The following NFATC2 variants were observed in gnomAD, a reference collection of about 807,000 sequenced individuals.
NFATC2 encodes nuclear factor of activated T-cells, cytoplasmic 2.
Under a neutral mutation model 87.3 loss-of-function variants are expected in NFATC2, and 22 were observed. The ratio of observed to expected loss-of-function variants is 0.25; its 90% CI spans 0.18 to 0.36. NFATC2 has a LOEUF of 0.36. NFATC2 is among the 10% of genes least tolerant of loss of function. The probability of loss-of-function intolerance (pLI) is 1.00; values close to 1 mark genes in which losing one functional copy is unlikely to be tolerated. For missense variants in NFATC2, 1,149 were observed against 1,259.1 expected (o/e 0.91, Z 1.32); for synonymous variants, 565 against 542.2 (o/e 1.04, Z -0.58).
chr20:51,442,714 T>A (rs1984525491), intron 6 of NFATC2, among the ~76,000 whole-genome samples: 2 of 151,726 alleles, frequency 1.3e-5, no homozygotes, highest in South Asian at 4.1e-4. Flanking sequence ...TTTGTTTTTT[T>A]TTTTTTTCTT....
intron 3 of NFATC2, among the ~76,000 whole-genome samples, chr20:51,512,666 T>C (rs904704973): frequency 9.2e-5 from 14 of 152,176 alleles, no homozygotes; most frequent in African/African-American, 3.1e-4. Flanking sequence ...AAAAATGAAA[T>C]GGTCTTATAT....
intron 9 of NFATC2, 141 bp downstream of exon 9, chr20:51,431,926 T>G: frequency 1.1e-6 from 1 of 880,744 alleles, no homozygotes. Context: ...CAGGGTCATA[T>G]TATTCAACCT....
At chr20:51,498,594 C>G (rs2076028363) in intron 3 of NFATC2, among the ~76,000 whole-genome samples, 1 of 152,048 alleles carries the variant, frequency 6.6e-6, no homozygotes, top group South Asian at 2.1e-4. Context: ...GGCCAGATCA[C>G]TGGCCAACAT....
intron 3 of NFATC2, among the ~76,000 whole-genome samples, chr20:51,482,061 G>A (rs1429208114): frequency 6.6e-6 from 1 of 152,112 alleles, no homozygotes; most frequent in Non-Finnish European, 1.5e-5. Flanking sequence ...CACTGGCCCT[G>A]TTTGTTTCTT....
At position 51,542,595 on chromosome 20, in the gene NFATC2, C is replaced by A; in HGVS notation, c.-96G>T. The A allele has an allele frequency of 8.1e-7, 1 of 1,238,590 alleles. No individual in the cohort carries two copies. The highest frequency in any genetic ancestry group is 3.7e-5 in the South Asian group (1 of 27,318). 76.7% of individuals were successfully genotyped at this position (1,238,590 alleles called of 1,614,324 possible). The stretch of plus-strand genomic sequence containing the variant: ...GTGGGGCTGGCGGAGGCGGCTCGAG[C>A]GGCGGGGTCCCTTTCCTCGTAGGGA... On this transcript the variant is annotated 5_prime_UTR_variant, in exon 1 of 11. Coordinates refer to ENST00000371564, the MANE Select transcript of NFATC2 (RefSeq NM_012340.5).
intron 3 of NFATC2, among the ~76,000 whole-genome samples, chr20:51,502,447 C>T (rs941797643): frequency 2.0e-5 from 3 of 152,214 alleles, no homozygotes; most frequent in African/African-American, 7.2e-5. Flanking sequence ...ACTGTAACCT[C>T]CCAACTAGCC....
intron 3 of NFATC2, among the ~76,000 whole-genome samples, chr20:51,486,727 T>A (rs1989740414): frequency 6.6e-6 from 1 of 152,092 alleles, no homozygotes; most frequent in African/African-American, 2.4e-5. Context: ...GGTTCCTATG[T>A]GGATCCACAT....
At chr20:51,526,164 G>A (rs1488985045) in intron 1 of NFATC2, among the ~76,000 whole-genome samples, 1 of 151,890 alleles carries the variant, frequency 6.6e-6, no homozygotes, top group Non-Finnish European at 1.5e-5. Context: ...CTCCACTGAC[G>A]CCTGCTAACA....
At position 51,524,359 on chromosome 20, in the gene NFATC2, T is replaced by C. The variant is rs1301477065; in HGVS notation, c.131-249A>G. 2.0e-5 allele frequency among the ~76,000 whole-genome samples: 3 copies of C among 152,030 alleles called. No homozygotes were observed. In the South Asian group the frequency reaches 6.2e-4, roughly 32 times the overall value. ...ACCCCTGGGCTAAGGGCCTCGAAAC[T>C]TGGCTTTAAATGAAACCCTTCGGAG... On this transcript the variant is annotated intron_variant, in intron 1 of 10. Coordinates refer to ENST00000371564, the MANE Select transcript of NFATC2 (RefSeq NM_012340.5). This position sits in a 1 kb window ranked among gnomAD's most constrained non-coding sequence, Gnocchi z 4.0.
intron 3 of NFATC2, among the ~76,000 whole-genome samples, chr20:51,476,439 G>A (rs1460321746): frequency 6.6e-6 from 1 of 152,056 alleles, no homozygotes; most frequent in Admixed American, 6.5e-5. Flanking sequence ...TTAGCACATA[G>A]AATATATGAA....
chr20:51,445,948 C>A (rs1049701233), intron 6 of NFATC2, among the ~76,000 whole-genome samples: 1 of 152,216 alleles, frequency 6.6e-6, no homozygotes, highest in Non-Finnish European at 1.5e-5. Flanking sequence ...TGACTCTTCT[C>A]GGCCCTAAGC....
chr20:51,394,537 C>G lies in NFATC2; in HGVS notation c.*45-3086G>C, dbSNP rs532962127. 2.1e-4 allele frequency among the ~76,000 whole-genome samples: 32 copies of G among 151,784 alleles called. 1 individual carries two copies. The highest frequency in any genetic ancestry group is 9.8e-4 in the Admixed American group (15 of 15,280). On this transcript the variant is annotated intron_variant, in intron 10 of 10. Coordinates refer to ENST00000371564, the MANE Select transcript of NFATC2 (RefSeq NM_012340.5). ...GGCAAAGCCCCCCTTGGTGGCCACCCCCAGCCCAGTCGCACTCCTGTCTCC... is the reference window on the plus strand; with the variant it reads ...GGCAAAGCCCCCCTTGGTGGCCACCGCCAGCCCAGTCGCACTCCTGTCTCC...
Position 51,432,179 on chromosome 20 carries a change from C to T in NFATC2, c.2610G>A (p.Thr870=), listed in dbSNP as rs374799660. The T allele has an allele frequency of 9.6e-5, 155 of 1,607,638 alleles. No homozygotes were observed. The highest frequency in any genetic ancestry group is 1.2e-4 in the Non-Finnish European group (143 of 1,175,306). Residue 870 remains threonine, a synonymous_variant, in exon 9 of 11, where the codon ACG becomes ACA. Transcript: ENST00000371564. The surrounding 1 kb of genome is among the most constrained non-coding windows in gnomAD (Gnocchi z 4.6). ...YPTVIQQQNA[T]SQRAAKNGPP... The stretch of plus-strand genomic sequence containing the variant: ...GTCCGTTTTTGGCGGCTCTTTGGCT[C>T]GTGGCATTCTGCTGCTGAATGACTG...
intron 6 of NFATC2, among the ~76,000 whole-genome samples, chr20:51,443,298 A>G (rs1045814382): frequency 5.3e-5 from 8 of 152,212 alleles, no homozygotes; most frequent in Non-Finnish European, 1.2e-4. Flanking sequence ...GAGCAGGGCT[A>G]TAGCTATCTC....
intron 6 of NFATC2, among the ~76,000 whole-genome samples, chr20:51,450,330 A>G (rs532643474): frequency 6.6e-6 from 1 of 152,316 alleles, no homozygotes; most frequent in South Asian, 2.1e-4. Flanking sequence ...TATCAACTGA[A>G]TGATGACTAT....
At chr20:51,417,348 G>A (rs868511718) in intron 9 of NFATC2, among the ~76,000 whole-genome samples, 4 of 151,866 alleles carry the variant, frequency 2.6e-5, no homozygotes, top group African/African-American at 4.8e-5. Flanking sequence ...CTCTCAACCC[G>A]CGAGGCCTGT....
At chr20:51,442,618 C>T (rs568767515) in intron 6 of NFATC2, among the ~76,000 whole-genome samples, 1 of 152,174 alleles carries the variant, frequency 6.6e-6, no homozygotes, top group Admixed American at 6.5e-5. Context: ...GAGGTGAGAC[C>T]TTCATGCCTT....
At chr20:51,554,992 G>A (rs578223643) in intron 1 of NFATC2, among the ~76,000 whole-genome samples, 10 of 152,284 alleles carry the variant, frequency 6.6e-5, no homozygotes, top group African/African-American at 2.4e-4. Flanking sequence ...CATCCCTGTG[G>A]AACCCTGGGG....
At chr20:51,416,121 A>G (rs967403296) in intron 9 of NFATC2, among the ~76,000 whole-genome samples, 2 of 151,996 alleles carry the variant, frequency 1.3e-5, no homozygotes, top group African/African-American at 4.8e-5. Context: ...AATTATCCGG[A>G]CATGGTGGCA....
Sources: gnomAD v4.1 joint callset for allele counts (sites outside exome capture counted in the v4.1 genomes callset) on GRCh38, gnomAD v4.1.1 for gene constraint, Gnocchi (gnomAD v3.1) non-coding constraint, MANE v1.5 for transcripts, NCBI Gene and HGNC (gene_info 2026-07-23, HGNC 2026-07-21) for gene names.